Variants in DOCK9 observed in about 807,000 individuals in gnomAD.
DOCK9 encodes dedicator of cytokinesis protein 9.
In DOCK9, 89 loss-of-function variants were observed where a neutral mutation model predicts 263.3. That is an observed-to-expected ratio of 0.34 (90% CI 0.28 to 0.40). The LOEUF is 0.40. DOCK9 is among the 10% of genes least tolerant of loss of function. DOCK9 has a pLI of 1.00. For synonymous variants in DOCK9, 976 were observed against 973.1 expected, an observed-to-expected ratio of 1.00 and a Z score of -0.06; for missense variants, 2,140 against 2,603.4, an observed-to-expected ratio of 0.82 and a Z score of 3.87.
intron 1 of DOCK9, among the ~76,000 whole-genome samples, chr13:99,055,530 G>A (rs2040879397): frequency 6.6e-6 from 1 of 152,156 alleles, no homozygotes; most frequent in Non-Finnish European, 1.5e-5. Flanking sequence ...AATTAGAAGA[G>A]AGGAGCAGCC....
chr13:98,955,180 T>C (rs1311817579), intron 2 of DOCK9, among the ~76,000 whole-genome samples: 4 of 152,076 alleles, frequency 2.6e-5, no homozygotes, highest in Non-Finnish European at 5.9e-5. Flanking sequence ...TAGCCAGGCA[T>C]GGTGGCACAC....
chr13:98,944,383 A>AG (rs386380395), intron 2 of DOCK9, among the ~76,000 whole-genome samples: 1 of 30,684 alleles, frequency 3.3e-5, no homozygotes, highest in African/African-American at 1.3e-4. Context: ...ACTATATGAG[A>AG]AAAAAAAAAA....
intron 1 of DOCK9, among the ~76,000 whole-genome samples, chr13:99,028,734 G>C (rs1887037456): frequency 6.6e-6 from 1 of 152,180 alleles, no homozygotes; most frequent in African/African-American, 2.4e-5. Flanking sequence ...CTACCTCCCA[G>C]AGATGGATAC....
chr13:98,858,779 T>C (rs1566741813), intron 33 of DOCK9: 1 of 152,218 alleles, frequency 6.6e-6, no homozygotes, highest in South Asian at 2.1e-4. Context: ...TGCGGAGCAA[T>C]TGGAGGCTAT....
chr13:99,015,403 T>A (rs1319247959), intron 1 of DOCK9: 1 of 1,472,070 alleles, frequency 6.8e-7, no homozygotes, highest in Non-Finnish European at 9.1e-7. Flanking sequence ...TAGTTTATTC[T>A]AACACCATTA....
At chr13:98,926,129 C>T (rs1251452305) in intron 3 of DOCK9, among the ~76,000 whole-genome samples, 1 of 152,176 alleles carries the variant, frequency 6.6e-6, no homozygotes, top group Non-Finnish European at 1.5e-5. Context: ...GGGGTAGTAT[C>T]ACTTTAAGTT....
At chr13:98,866,656 G>T (rs1483340361) in intron 30 of DOCK9, among the ~76,000 whole-genome samples, 1 of 152,142 alleles carries the variant, frequency 6.6e-6, no homozygotes, top group East Asian at 1.9e-4. Context: ...AACGTAAAAA[G>T]AATACAGGAC....
intron 1 of DOCK9, among the ~76,000 whole-genome samples, chr13:99,051,176 C>T (rs1271311082): frequency 6.6e-6 from 1 of 152,196 alleles, no homozygotes; most frequent in African/African-American, 2.4e-5. Flanking sequence ...GTAATAGTGG[C>T]CTTGAAAGGC....
chr13:99,054,168 A>C (rs549031116), intron 1 of DOCK9, among the ~76,000 whole-genome samples: 1 of 152,256 alleles, frequency 6.6e-6, no homozygotes, highest in Non-Finnish European at 1.5e-5. Context: ...GGGATTACTC[A>C]GGCATATTTA....
chr13:98,800,518 C>T lies in DOCK9; in HGVS notation c.5726-40G>A, dbSNP rs369429395. ...CCCCAGAATTACTGCATGGCTTGCA[C>T]GAGCTTTAGTGTTATTGAGCTGATT... On this transcript the variant is annotated intron_variant, in intron 49 of 52. Transcript: ENST00000682017. 391 of 1,597,334 alleles carry T rather than the reference C, an allele frequency of 2.4e-4. 1 individual carries two copies. The East Asian group carries it at 3.3e-3, about 13-fold the overall frequency.
At chr13:98,965,587 G>A (rs2059107633) in intron 1 of DOCK9, among the ~76,000 whole-genome samples, 1 of 152,164 alleles carries the variant, frequency 6.6e-6, no homozygotes, top group African/African-American at 2.4e-5. Flanking sequence ...CCTGGCCCAG[G>A]ATCTTGTCTC....
chr13:98,800,139 G>A (rs890206166), intron 50 of DOCK9, 149 bp downstream of exon 50: 3 of 866,266 alleles, frequency 3.5e-6, no homozygotes, highest in African/African-American at 1.7e-5. Flanking sequence ...CTGATATCAG[G>A]AGAAATGTCA....
chr13:98,966,107 C>T (rs1452875742), intron 1 of DOCK9, among the ~76,000 whole-genome samples: 1 of 152,238 alleles, frequency 6.6e-6, no homozygotes, highest in African/African-American at 2.4e-5. Context: ...CAGCTGTGCT[C>T]GCTGGGGATG....
chr13:99,036,533 T>C (rs1887899191), intron 1 of DOCK9, among the ~76,000 whole-genome samples: 1 of 152,062 alleles, frequency 6.6e-6, no homozygotes, highest in Non-Finnish European at 1.5e-5. Context: ...GCCACCTGGT[T>C]GTTGGTTTTT....
intron 1 of DOCK9, among the ~76,000 whole-genome samples, chr13:99,055,238 G>T (rs1248598769): frequency 6.6e-6 from 1 of 152,192 alleles, no homozygotes; most frequent in Non-Finnish European, 1.5e-5. Context: ...CCAAAAAACA[G>T]AATGGGAAGA....
chr13:99,017,206 A>C (rs1365456268), intron 1 of DOCK9, among the ~76,000 whole-genome samples: 2 of 152,232 alleles, frequency 1.3e-5, no homozygotes, highest in Non-Finnish European at 2.9e-5. Context: ...GATTACACCC[A>C]AGTTGTGACA....
intron 18 of DOCK9, among the ~76,000 whole-genome samples, chr13:98,887,143 A>AT (rs58434344): frequency 0.014 from 1,300 of 94,738 alleles, 16 homozygotes; most frequent in African/African-American, 0.031. Context: ...ATATATATAT[A>AT]TTTTTTTTTT....
intron 2 of DOCK9, among the ~76,000 whole-genome samples, chr13:98,948,043 A>G (rs906395111): frequency 6.6e-6 from 1 of 152,228 alleles, no homozygotes; most frequent in African/African-American, 2.4e-5. Context: ...ATCGTGAAAA[A>G]TAAGTTTTTT....
intron 49 of DOCK9, 130 bp from the exon 50 acceptor site, chr13:98,800,608 C>G (rs1211888974): frequency 8.9e-7 from 1 of 1,121,340 alleles, no homozygotes; most frequent in Admixed American, 2.8e-5. Context: ...GAACCCAAAG[C>G]TTGCCAAAGA....
Sources: gnomAD v4.1 joint callset for allele counts (sites outside exome capture counted in the v4.1 genomes callset) on GRCh38, gnomAD v4.1.1 for gene constraint, MANE v1.5 for transcripts, NCBI Gene and HGNC (gene_info 2026-07-23, HGNC 2026-07-21) for gene names.